The following SPOCK1 variants were observed in gnomAD, a reference collection of about 807,000 sequenced individuals.
SPOCK1 encodes the protein SPARC (osteonectin), cwcv and kazal like domains proteoglycan 1.
Under a neutral mutation model 55.3 loss-of-function variants are expected in SPOCK1, and 23 were observed. The observed-to-expected ratio is 0.42, with a 90% confidence interval of 0.30 to 0.59. The LOEUF (loss-of-function observed/expected upper bound fraction) is 0.59. SPOCK1 is among the 20% of genes least tolerant of loss of function. SPOCK1 has a pLI of 0.22. For missense variants in SPOCK1, 499 were observed against 552.5 expected (o/e 0.90, Z 0.97); for synonymous variants, 226 against 221.0 (o/e 1.02, Z -0.20).
chr5:137,251,934 C>G (rs1354692323), intron 3 of SPOCK1, among the ~76,000 whole-genome samples: 1 of 151,902 alleles, frequency 6.6e-6, no homozygotes, highest in Admixed American at 6.6e-5. Context: ...TTTTATTTTT[C>G]TTCGAGACAG....
At chr5:137,364,241 C>T (rs1374272141) in intron 2 of SPOCK1, among the ~76,000 whole-genome samples, 1 of 152,184 alleles carries the variant, frequency 6.6e-6, no homozygotes, top group Non-Finnish European at 1.5e-5. Flanking sequence ...TCCCTAATAC[C>T]TAAGCACCAT....
At chr5:137,219,070 A>T (rs1397004107) in intron 3 of SPOCK1, among the ~76,000 whole-genome samples, 8 of 152,154 alleles carry the variant, frequency 5.3e-5, no homozygotes, top group Admixed American at 5.2e-4. Context: ...CTTCCCTAGG[A>T]TCTCACCTGG....
chr5:137,133,884 G>A (rs959218953), intron 4 of SPOCK1, among the ~76,000 whole-genome samples: 4 of 149,430 alleles, frequency 2.7e-5, no homozygotes, highest in African/African-American at 9.8e-5. Flanking sequence ...TTTGCGAGGG[G>A]CAAGGATTAG....
At chr5:137,354,867 G>C (rs959489304) in intron 2 of SPOCK1, among the ~76,000 whole-genome samples, 1 of 152,040 alleles carries the variant, frequency 6.6e-6, no homozygotes, top group African/African-American at 2.4e-5. Context: ...CTTATTGACT[G>C]TATCACCTTA....
At chr5:137,498,630 C>A in intron 1 of SPOCK1, 72 bp from the exon 2 acceptor site, 1 of 1,199,268 alleles carries the variant, frequency 8.3e-7, no homozygotes, top group Non-Finnish European at 1.0e-6. Context: ...CCCAGGCGTC[C>A]CAGCGCCCCA....
intron 4 of SPOCK1, among the ~76,000 whole-genome samples, chr5:137,113,060 G>GA (rs1359837719): frequency 1.3e-5 from 2 of 152,158 alleles, no homozygotes; most frequent in Non-Finnish European, 1.5e-5. Context: ...CACAGCTGTA[G>GA]AAAACTATCT....
At chr5:137,364,758 G>C (rs1235402418) in intron 2 of SPOCK1, among the ~76,000 whole-genome samples, 1 of 152,220 alleles carries the variant, frequency 6.6e-6, no homozygotes, top group African/African-American at 2.4e-5. Flanking sequence ...TTATACCAAG[G>C]ATAGAGCAGG....
chr5:137,304,806 CA>C (rs1399686058), intron 2 of SPOCK1, among the ~76,000 whole-genome samples: 3 of 152,154 alleles, frequency 2.0e-5, no homozygotes, highest in African/African-American at 7.2e-5. Flanking sequence ...GTGACATCAA[CA>C]AGTCACTTAA....
intron 6 of SPOCK1, among the ~76,000 whole-genome samples, chr5:137,043,307 C>T (rs1372063547): frequency 6.6e-6 from 1 of 152,082 alleles, no homozygotes; most frequent in Admixed American, 6.5e-5. Flanking sequence ...TTAATACATG[C>T]TTTAAGAAAC....
At chr5:137,070,350 A>C (rs1302676851) in intron 5 of SPOCK1, among the ~76,000 whole-genome samples, 1 of 152,230 alleles carries the variant, frequency 6.6e-6, no homozygotes, top group Non-Finnish European at 1.5e-5. Context: ...ACTTAGCAAA[A>C]GCTGACCAAC....
intron 6 of SPOCK1, among the ~76,000 whole-genome samples, chr5:137,019,769 AG>A (rs1751531781): frequency 6.6e-6 from 1 of 152,106 alleles, no homozygotes. Context: ...GCCCACAGAC[AG>A]GACTTCTGAA....
intron 2 of SPOCK1, among the ~76,000 whole-genome samples, chr5:137,425,349 A>G (rs550468126): frequency 2.0e-5 from 3 of 152,250 alleles, no homozygotes; most frequent in South Asian, 4.1e-4. Context: ...CCTACTGCAC[A>G]TTATCTCCTG....
chr5:137,214,268 T>G (rs562222527), intron 3 of SPOCK1, among the ~76,000 whole-genome samples: 3 of 152,308 alleles, frequency 2.0e-5, no homozygotes, highest in Admixed American at 1.3e-4. Flanking sequence ...GAGATATATG[T>G]TGGCCAAAGT....
intron 3 of SPOCK1, among the ~76,000 whole-genome samples, chr5:137,247,122 G>A (rs965683623): frequency 3.9e-5 from 6 of 152,194 alleles, no homozygotes; most frequent in Non-Finnish European, 7.3e-5. Context: ...AAGAAACCAC[G>A]GAGGGAAGGC....
At position 137,174,923 on chromosome 5, in the gene SPOCK1, C is replaced by G. The variant is rs572738886; in HGVS notation, c.233-34229G>C. Among the ~76,000 whole-genome samples the G allele has an allele frequency of 3.8e-4, 58 of 152,240 alleles. No individual in the cohort carries two copies. The South Asian group carries it at 0.011, about 29-fold the overall frequency. On this transcript the variant is annotated intron_variant, in intron 3 of 10. Transcript: ENST00000394945. ...GCACCCCTCACTCTAGAAATAAAACCTTGCTAGAGGCCAAGGCCACCACCA... is the reference window on the plus strand; with the variant it reads ...GCACCCCTCACTCTAGAAATAAAACGTTGCTAGAGGCCAAGGCCACCACCA...
chr5:137,209,011 T>C (rs1008722109), intron 3 of SPOCK1, among the ~76,000 whole-genome samples: 1 of 152,232 alleles, frequency 6.6e-6, no homozygotes, highest in Admixed American at 6.5e-5. Flanking sequence ...TCAGCAAGTC[T>C]CCTAGCCCCT....
chr5:137,096,677 C>T (rs530556746), intron 5 of SPOCK1, among the ~76,000 whole-genome samples: 4 of 152,344 alleles, frequency 2.6e-5, no homozygotes, highest in African/African-American at 7.2e-5. Context: ...CCATCGTTTG[C>T]ACTCATTTGC....
rs150314105 is a variant in SPOCK1, at chr5:137,218,289, C to T, written c.232+48721G>A. On this transcript the variant is annotated intron_variant, in intron 3 of 10. Coordinates refer to ENST00000394945, the MANE Select transcript of SPOCK1 (RefSeq NM_004598.4). Reference sequence around the variant, plus strand: ...GGGTTGATGGTAAGATCTCCCTATGCAAAGGACAGTGCCTTTTCTAACTGA... The same window carrying T: ...GGGTTGATGGTAAGATCTCCCTATGTAAAGGACAGTGCCTTTTCTAACTGA... Among the ~76,000 whole-genome samples, 877 of 152,338 alleles carry T rather than the reference C, an allele frequency of 5.8e-3. 3 individuals carry two copies. The highest frequency in any genetic ancestry group is 8.4e-3 in the Non-Finnish European group (572 of 68,034).
At chr5:137,469,478 A>G (rs1753687804) in intron 2 of SPOCK1, among the ~76,000 whole-genome samples, 1 of 152,150 alleles carries the variant, frequency 6.6e-6, no homozygotes, top group Non-Finnish European at 1.5e-5. Context: ...GTTCTTATGA[A>G]TATTAATAAG....
Sources: allele counts gnomAD v4.1 joint callset (sites outside exome capture counted in the v4.1 genomes callset), GRCh38; gene constraint gnomAD v4.1.1; transcripts MANE v1.5; gene names NCBI Gene and HGNC (gene_info 2026-07-23, HGNC 2026-07-21).